Variants in BTBD9 observed in about 807,000 individuals in gnomAD.
BTBD9 encodes BTB domain containing 9.
Under a neutral mutation model 64.3 loss-of-function variants are expected in BTBD9, and 49 were observed. That is an observed-to-expected ratio of 0.76 (90% confidence interval 0.61 to 0.97). The LOEUF is 0.97. Ranked by LOEUF, BTBD9 falls within the 50% of genes least tolerant of loss-of-function variation. The pLI is 0.00. For synonymous variants in BTBD9, 260 were observed against 274.7 expected (o/e 0.95, Z 0.53); for missense variants, 598 against 762.1 (o/e 0.78, Z 2.53).
chr6:38,325,359 AC>A (rs902275459), intron 7 of BTBD9, among the ~76,000 whole-genome samples: 14 of 152,176 alleles, frequency 9.2e-5, no homozygotes, highest in African/African-American at 3.4e-4. Context: ...TACGATTAAC[AC>A]AGTTCTCTAT....
At chr6:38,574,881 A>G (rs1775957657) in intron 6 of BTBD9, among the ~76,000 whole-genome samples, 1 of 152,196 alleles carries the variant, frequency 6.6e-6, no homozygotes, top group African/African-American at 2.4e-5. Context: ...AGAATTTGAG[A>G]AGAGCTCTAC....
chr6:38,476,369 C>G (rs910817524), intron 6 of BTBD9, among the ~76,000 whole-genome samples: 10 of 152,116 alleles, frequency 6.6e-5, no homozygotes, highest in Non-Finnish European at 1.3e-4. Context: ...TATGAGCCAG[C>G]CTGAAAAGTA....
Position 38,633,563 on chromosome 6 carries a change from G to A in BTBD9, c.-28+6237C>T, listed in dbSNP as rs185898269. 5.3e-5 allele frequency among the ~76,000 whole-genome samples: 8 copies of A among 152,234 alleles called. No homozygotes were observed. In the East Asian group the frequency reaches 1.4e-3, roughly 26 times the overall value. On this transcript the variant is annotated intron_variant, in intron 1 of 10. Coordinates refer to ENST00000481247, the MANE Select transcript of BTBD9 (RefSeq NM_001099272.2). Reference sequence around the variant, plus strand: ...ACACAGACTGCCAGAATATTTTTGTGTCTCATATTCAGATGCAAAGGCAGC... The same window carrying A: ...ACACAGACTGCCAGAATATTTTTGTATCTCATATTCAGATGCAAAGGCAGC...
chr6:38,569,098 A>T (rs116562578), intron 6 of BTBD9, among the ~76,000 whole-genome samples: 126 of 152,348 alleles, frequency 8.3e-4, no homozygotes, highest in African/African-American at 2.8e-3. Context: ...ATAGAAGCAG[A>T]AGAACCTAAT....
intron 6 of BTBD9, among the ~76,000 whole-genome samples, chr6:38,491,637 A>G (rs1244874945): frequency 6.6e-6 from 1 of 152,220 alleles, no homozygotes; most frequent in Non-Finnish European, 1.5e-5. Context: ...AACACTGATG[A>G]CATTGCATCT....
At chr6:38,628,277 T>C (rs1778238164) in intron 1 of BTBD9, among the ~76,000 whole-genome samples, 2 of 152,178 alleles carry the variant, frequency 1.3e-5, no homozygotes, top group African/African-American at 4.8e-5. Context: ...GTAGTTCAAA[T>C]GAATAACATA....
intron 8 of BTBD9, among the ~76,000 whole-genome samples, chr6:38,267,891 G>GT (rs1219074290): frequency 5.9e-5 from 9 of 152,190 alleles, no homozygotes; most frequent in African/African-American, 1.7e-4. Flanking sequence ...AGTGAGCCGA[G>GT]ATCGCACCAC....
chr6:38,180,965 A>AG (rs1258377898), intron 10 of BTBD9, among the ~76,000 whole-genome samples: 1 of 152,160 alleles, frequency 6.6e-6, no homozygotes, highest in Non-Finnish European at 1.5e-5. Flanking sequence ...AATTCACCAC[A>AG]TACTGGAGAT....
chr6:38,471,730 C>T (rs1770660007), intron 6 of BTBD9, among the ~76,000 whole-genome samples: 1 of 152,086 alleles, frequency 6.6e-6, no homozygotes, highest in Non-Finnish European at 1.5e-5. Context: ...TCTTCCAAAG[C>T]CCTACACCTT....
At chr6:38,230,822 T>C (rs577841283) in intron 9 of BTBD9, among the ~76,000 whole-genome samples, 1 of 152,354 alleles carries the variant, frequency 6.6e-6, no homozygotes, top group Admixed American at 6.5e-5. Flanking sequence ...TCAGTTCAAA[T>C]GTCACTTTCT....
At chr6:38,542,202 G>C (rs1774311085) in intron 6 of BTBD9, among the ~76,000 whole-genome samples, 1 of 152,116 alleles carries the variant, frequency 6.6e-6, no homozygotes, top group African/African-American at 2.4e-5. Context: ...AACAAGTCTT[G>C]CGTATCCAAC....
intron 9 of BTBD9, among the ~76,000 whole-genome samples, chr6:38,246,406 T>C (rs1764203622): frequency 1.3e-5 from 2 of 152,222 alleles, no homozygotes; most frequent in South Asian, 4.1e-4. Flanking sequence ...CCTGCTGATA[T>C]CTCATCATTA....
chr6:38,462,701 A>T (rs1015464714), intron 6 of BTBD9, among the ~76,000 whole-genome samples: 5 of 152,214 alleles, frequency 3.3e-5, no homozygotes, highest in Admixed American at 6.5e-5. Context: ...AATTGCACTG[A>T]ATCTATGGAT....
intron 6 of BTBD9, among the ~76,000 whole-genome samples, chr6:38,428,806 G>A (rs540379911): frequency 1.6e-4 from 24 of 149,464 alleles, no homozygotes; most frequent in African/African-American, 5.7e-4. Context: ...TCTGCCTCCC[G>A]GATTCACGCC....
intron 6 of BTBD9, among the ~76,000 whole-genome samples, chr6:38,565,499 T>A (rs1178779003): frequency 1.3e-5 from 2 of 152,142 alleles, no homozygotes; most frequent in African/African-American, 2.4e-5. Flanking sequence ...CAAAACTCTA[T>A]CCTTTGAGGC....
intron 6 of BTBD9, among the ~76,000 whole-genome samples, chr6:38,372,561 T>C (rs759246663): frequency 6.6e-6 from 1 of 152,240 alleles, no homozygotes; most frequent in Non-Finnish European, 1.5e-5. Flanking sequence ...TTTTCATCCA[T>C]ATTTGCAGGA....
chr6:38,436,834 T>C (rs1768765326), intron 6 of BTBD9, among the ~76,000 whole-genome samples: 1 of 152,236 alleles, frequency 6.6e-6, no homozygotes, highest in African/African-American at 2.4e-5. Flanking sequence ...GTTGTTGGCA[T>C]TATTCAAGTC....
intron 6 of BTBD9, among the ~76,000 whole-genome samples, chr6:38,360,324 G>A (rs1225044660): frequency 6.6e-6 from 1 of 151,916 alleles, no homozygotes; most frequent in Non-Finnish European, 1.5e-5. Flanking sequence ...CATATAGTAG[G>A]TACTCAAAAA....
At chr6:38,192,682 G>A (rs983631097) in intron 9 of BTBD9, 85 bp from the exon 10 acceptor site, 47 of 1,233,318 alleles carry the variant, frequency 3.8e-5, no homozygotes, top group Non-Finnish European at 5.5e-5. Context: ...GTCCACTGAG[G>A]AGGGAGGGCT....
Sources: allele counts gnomAD v4.1 joint callset (sites outside exome capture counted in the v4.1 genomes callset), GRCh38; gene constraint gnomAD v4.1.1; transcripts MANE v1.5; gene names NCBI Gene and HGNC (gene_info 2026-07-23, HGNC 2026-07-21).